Variants in FRMPD4 observed in about 807,000 individuals in gnomAD.
The protein encoded by FRMPD4 is FERM and PDZ domain-containing protein 4.
In FRMPD4, 22 loss-of-function variants were observed where a neutral mutation model predicts 94.1. The ratio of observed to expected loss-of-function variants is 0.23; its 90% confidence interval spans 0.17 to 0.33. FRMPD4 has a LOEUF of 0.33. Ranked by LOEUF, FRMPD4 falls within the 10% of genes least tolerant of loss-of-function variation. The probability of loss-of-function intolerance (pLI) is 1.00; values close to 1 mark genes in which losing one functional copy is unlikely to be tolerated. For missense variants in FRMPD4, 1,111 were observed against 1,339.9 expected, an observed-to-expected ratio of 0.83 and a Z score of 2.67; for synonymous variants, 631 against 548.6, an observed-to-expected ratio of 1.15 and a Z score of -2.10.
intron 1 of FRMPD4, among the ~76,000 whole-genome samples, chrX:12,376,682 C>A (rs1162758128): frequency 8.8e-6 from 1 of 113,071 alleles, no homozygotes; most frequent in Admixed American, 9.3e-5. Context: ...CACCTGCACA[C>A]ACAGTTTCTT....
At chrX:12,352,783 G>A (rs150465429) in intron 1 of FRMPD4, among the ~76,000 whole-genome samples, 1,383 of 112,017 alleles carry the variant, frequency 0.012, 25 homozygotes, top group African/African-American at 0.043. Context: ...TATGAATGCT[G>A]GAAAATGACA....
intron 2 of FRMPD4, among the ~76,000 whole-genome samples, chrX:12,503,575 A>G (rs914129043): frequency 1.8e-5 from 2 of 112,027 alleles, no homozygotes; most frequent in Non-Finnish European, 3.8e-5. Context: ...TTCCATGGTC[A>G]ATGTAAAATG....
chrX:12,120,023 T>A (rs1479302250), intron 3 of FRMPD4, among the ~76,000 whole-genome samples: 1 of 112,437 alleles, frequency 8.9e-6, no homozygotes, highest in Non-Finnish European at 1.9e-5. Context: ...TATGGCTGAA[T>A]GAATTGTGCT....
chrX:12,098,140 C>G (rs913024861), intron 3 of FRMPD4, among the ~76,000 whole-genome samples: 1 of 111,518 alleles, frequency 9.0e-6, no homozygotes, highest in African/African-American at 3.3e-5. Context: ...TGTTTGAGGA[C>G]TGGTTACCTT....
At position 12,035,622 on chromosome X, in the gene FRMPD4, G is replaced by T. The variant is rs181159582; in HGVS notation, c.95+157604G>T. Among the ~76,000 whole-genome samples, 153 of 111,614 alleles carry T rather than the reference G, an allele frequency of 1.4e-3. 1 individual carries two copies. Among genetic ancestry groups the T allele is most frequent in the Non-Finnish European group, 1.8e-3 (94 of 53,112 alleles). On this transcript the variant is annotated intron_variant, in intron 3 of 18. Transcript: ENST00000640291. ...GAAGTTTATTTATTGATCTAGTCTGGCCTCTTGGGTTTCTTGATATTTGGT... is the reference window on the plus strand; with the variant it reads ...GAAGTTTATTTATTGATCTAGTCTGTCCTCTTGGGTTTCTTGATATTTGGT...
At position 12,138,528 on chromosome X, in the gene FRMPD4, C is replaced by T. The variant is rs2055633286; in HGVS notation, c.-444C>T. On this transcript the variant is annotated 5_prime_UTR_variant, in exon 1 of 17. Coordinates refer to ENST00000675598, the MANE Select transcript of FRMPD4 (RefSeq NM_001368397.1). ...TGTGCCCAGCTCGCCTGCCGTCTCC[C>T]GGCTCCGTCTGCGCTCCTCGGTGCG... 1 of 215,160 alleles carries T rather than the reference C, an allele frequency of 4.6e-6. No homozygotes were observed. Among genetic ancestry groups the T allele is most frequent in the African/African-American group, 2.9e-5 (1 of 34,964 alleles). The allele number at this position is 215,160 out of a possible 1,213,427, so 17.7% of individuals were successfully genotyped here. A position where few individuals can be genotyped will look rare whatever the true frequency, so the allele number is the denominator to read the frequency against.
intron 3 of FRMPD4, among the ~76,000 whole-genome samples, chrX:11,906,275 G>A (rs2053967513): frequency 9.1e-6 from 1 of 109,787 alleles, no homozygotes; most frequent in Non-Finnish European, 1.9e-5. Context: ...AACCTCCCGA[G>A]TAGCTGGGAC....
intron 3 of FRMPD4, among the ~76,000 whole-genome samples, chrX:12,090,325 C>T (rs1195191745): frequency 5.4e-5 from 6 of 110,180 alleles, no homozygotes; most frequent in South Asian, 3.9e-4. Context: ...ACGTAAAGTG[C>T]CTGCTCCCCT....
chrX:12,028,609 C>A (rs181988732), intron 3 of FRMPD4, among the ~76,000 whole-genome samples: 26 of 111,065 alleles, frequency 2.3e-4, no homozygotes, highest in African/African-American at 8.2e-4. Flanking sequence ...AGTTTCACTG[C>A]CCTAAAAATC....
At chrX:11,844,034 C>A (rs759222190) in intron 1 of FRMPD4, among the ~76,000 whole-genome samples, 100 of 93,767 alleles carry the variant, frequency 1.1e-3, no homozygotes, top group Non-Finnish European at 1.7e-3. Context: ...GTTGCCCAGG[C>A]TGGAGTACAA....
intron 3 of FRMPD4, among the ~76,000 whole-genome samples, chrX:11,926,140 G>A (rs1405250820): frequency 9.3e-6 from 1 of 107,192 alleles, no homozygotes; most frequent in African/African-American, 3.4e-5. Flanking sequence ...AAATTTAGAA[G>A]AAATGGATGA....
chrX:12,412,093 A>G lies in FRMPD4; in HGVS notation c.42-86587A>G, dbSNP rs1012021683. 8.9e-5 allele frequency among the ~76,000 whole-genome samples: 10 copies of G among 112,484 alleles called. No individual in the cohort carries two copies. In the East Asian group the frequency reaches 1.7e-3, roughly 19 times the overall value. ...GCCTAATCATGTGATGATTCAATGCATAATGGTTTGTGACAAATTTTAGCA... is the reference window on the plus strand; with the variant it reads ...GCCTAATCATGTGATGATTCAATGCGTAATGGTTTGTGACAAATTTTAGCA... On this transcript the variant is annotated intron_variant, in intron 1 of 16. Transcript: ENST00000675598.
At chrX:12,469,027 T>C (rs766835444) in intron 1 of FRMPD4, among the ~76,000 whole-genome samples, 2 of 112,039 alleles carry the variant, frequency 1.8e-5, no homozygotes, top group Non-Finnish European at 3.8e-5. Flanking sequence ...CTTAGAAAAA[T>C]GTCAATTTGG....
At chrX:12,224,001 A>G (rs1053566468) in intron 1 of FRMPD4, among the ~76,000 whole-genome samples, 1 of 109,777 alleles carries the variant, frequency 9.1e-6, no homozygotes, top group Non-Finnish European at 1.9e-5. Flanking sequence ...TGTGAGGGCT[A>G]CCCCTGCATA....
At chrX:11,890,609 A>G (rs1330282971) in intron 3 of FRMPD4, among the ~76,000 whole-genome samples, 1 of 112,551 alleles carries the variant, frequency 8.9e-6, no homozygotes, top group Non-Finnish European at 1.9e-5. Context: ...ACCTTGAGGG[A>G]TAATTATCAT....
intron 1 of FRMPD4, among the ~76,000 whole-genome samples, chrX:12,294,500 A>AGC (rs2147880729): frequency 9.0e-6 from 1 of 111,376 alleles, no homozygotes; most frequent in Non-Finnish European, 1.9e-5. Flanking sequence ...AGAGAGAGAG[A>AGC]GAGAGTTTTA....
chrX:12,472,853 T>C (rs779694167), intron 1 of FRMPD4, among the ~76,000 whole-genome samples: 1 of 111,307 alleles, frequency 9.0e-6, no homozygotes, highest in African/African-American at 3.3e-5. Context: ...TACCTGAAAG[T>C]GACGGGGAGA....
rs1372594695 is a variant in FRMPD4, at chrX:12,242,865, T to C, written c.41+103853T>C. On this transcript the variant is annotated intron_variant, in intron 1 of 16. Transcript: ENST00000675598. ...CATCCTCCTTCCTCAGCCTCCTGAA[T>C]AGCTAGGAATACAGGCCCATGCCAC... Among the ~76,000 whole-genome samples, 8 of 112,203 alleles carry C rather than the reference T, an allele frequency of 7.1e-5. No individual in the cohort carries two copies. The Admixed American group carries it at 7.5e-4, about 11-fold the overall frequency.
At chrX:12,708,434 A>T (rs1321347477) in intron 13 of FRMPD4, among the ~76,000 whole-genome samples, 1 of 102,266 alleles carries the variant, frequency 9.8e-6, no homozygotes, top group Non-Finnish European at 2.0e-5. Flanking sequence ...GTGCCATTGA[A>T]CTTCAGCCTG....
Sources: gnomAD v4.1 joint callset for allele counts (sites outside exome capture counted in the v4.1 genomes callset) on GRCh38, gnomAD v4.1.1 for gene constraint, MANE v1.5 for transcripts, NCBI Gene and HGNC (gene_info 2026-07-23, HGNC 2026-07-21) for gene names.